PRR29: variants seen among roughly 807,000 people sequenced by gnomAD.
PRR29 encodes the protein proline rich 29.
PRR29 carries 20 observed loss-of-function variants against 25.1 expected under a neutral mutation model. That is an observed-to-expected ratio of 0.80 (90% CI 0.56 to 1.16). The LOEUF (loss-of-function observed/expected upper bound fraction) is 1.16, where lower values mean the gene tolerates loss of function less well. PRR29 is among the 50% of genes most tolerant of loss of function. The pLI, the probability that PRR29 is intolerant of heterozygous loss-of-function variation, is 0.00. For missense variants in PRR29, 238 were observed against 246.6 expected (o/e 0.97, Z 0.23); for synonymous variants, 108 against 102.6 (o/e 1.05, Z -0.32).
In PRR29 at chr17:64,003,935, G is replaced by A; in HGVS notation, c.*2174G>A. On this transcript the variant is annotated 3_prime_UTR_variant, in exon 6 of 6. Coordinates refer to ENST00000412177, the MANE Select transcript of PRR29 (RefSeq NM_001164257.2). The stretch of plus-strand genomic sequence containing the variant: ...TTGCCCACAGCCACCAAAGTGGGTT[G>A]CAGTGTCAGGATGACCTGCCTTGGA... 1 of 1,613,638 alleles carries A rather than the reference G, an allele frequency of 6.2e-7. No individual in the cohort carries two copies. Among genetic ancestry groups the A allele is most frequent in the Non-Finnish European group, 8.5e-7 (1 of 1,179,760 alleles).
At chr17:63,999,888 AAGCAAGTGTG>A (rs1910504043) in intron 3 of PRR29, 1 of 148,808 alleles carries the variant, frequency 6.7e-6, no homozygotes, top group Non-Finnish European at 1.5e-5. Context: ...GTGTGCGTGC[AAGCAAGTGTG>A]TGCAAGTGGG....
chr17:64,001,736 A>G lies in PRR29; in HGVS notation c.545A>G (p.Tyr182Cys), dbSNP rs998989786. 9.8e-6 allele frequency: 15 copies of G among 1,536,944 alleles called. No individual in the cohort carries two copies. In the Admixed American group the frequency reaches 1.4e-4, roughly 14 times the overall value. Residue 182 changes from tyrosine to cysteine, a missense_variant, in exon 6 of 6, where the codon TAC becomes TGC. Tyr to Cys is a radical substitution (Grantham distance 194). Coordinates refer to ENST00000412177, the MANE Select transcript of PRR29 (RefSeq NM_001164257.2). ...GATGAGGTTCTTGTTTCCCCAGACT[A>G]CTATGATGCCGAGAGCCTCCTATGA... ...VGADVPPASD[Y>C]YDAESLL
At chr17:63,999,323 C>T (rs1159551012) in intron 3 of PRR29, 1 of 562,262 alleles carries the variant, frequency 1.8e-6, no homozygotes. Context: ...TAGTGCCTCC[C>T]CCACTGGACT....
At chr17:64,000,917 C>T (rs533162225) in intron 3 of PRR29, 167 bp from the exon 4 acceptor site, 12 of 632,708 alleles carry the variant, frequency 1.9e-5, no homozygotes, top group African/African-American at 1.3e-4. Context: ...CCGCCCGCCT[C>T]GGCCTCCCAC....
Position 64,003,163 on chromosome 17 carries a change from G to A in PRR29, c.*1402G>A, listed in dbSNP as rs1216142328. Reference sequence around the variant, plus strand: ...GCTGGACTTCTGTGTGGCTGTGAGGGCAGATGTCCCCTTGTCAGCAGCCAT... The same window carrying A: ...GCTGGACTTCTGTGTGGCTGTGAGGACAGATGTCCCCTTGTCAGCAGCCAT... On this transcript the variant is annotated 3_prime_UTR_variant, in exon 6 of 6. Coordinates refer to ENST00000412177, the MANE Select transcript of PRR29 (RefSeq NM_001164257.2). The A allele has an allele frequency of 5.6e-6, 3 of 532,412 alleles. No individual in the cohort carries two copies. The highest frequency in any genetic ancestry group is 3.2e-5 in the Admixed American group (1 of 31,532). 33.0% of individuals were successfully genotyped at this position (532,412 alleles called of 1,614,324 possible). A position where few individuals can be genotyped will look rare whatever the true frequency, so the allele number is the denominator to read the frequency against.
chr17:64,000,252 G>A (rs1910547021), intron 3 of PRR29, among the ~76,000 whole-genome samples: 2 of 152,224 alleles, frequency 1.3e-5, no homozygotes, highest in Non-Finnish European at 2.9e-5. Flanking sequence ...TTGAGCTACA[G>A]GAGTAAATGT....
Position 63,998,409 on chromosome 17 carries a change from G to C in PRR29, c.45G>C (p.Gln15His), listed in dbSNP as rs1254463668. ...GAAGCTGGGGTCGCTCCCCACCGCAGAGCGCAGTCCCGACGGTGAGGGCTG... is the reference window on the plus strand; with the variant it reads ...GAAGCTGGGGTCGCTCCCCACCGCACAGCGCAGTCCCGACGGTGAGGGCTG... ...AGGSWGRSPP[Q>H]SAVPTPWVTF... Residue 15 changes from glutamine (Q) to histidine (H), a missense_variant, in exon 1 of 6, where the codon CAG becomes CAC. By Grantham distance (24) the Gln-to-His change is conservative. Transcript: ENST00000412177. The C allele has an allele frequency of 2.7e-6, 4 of 1,507,516 alleles. No homozygotes were observed. The South Asian group carries it at 5.0e-5, about 19-fold the overall frequency. 93.4% of individuals were successfully genotyped at this position (1,507,516 alleles called of 1,614,324 possible).
At position 64,002,204 on chromosome 17, in the gene PRR29, A is replaced by T. The variant is rs1450419405; in HGVS notation, c.*443A>T. The T allele has an allele frequency of 6.4e-6, 4 of 627,560 alleles. No individual in the cohort carries two copies. The Admixed American group carries it at 9.0e-5, about 14-fold the overall frequency. 38.9% of individuals were successfully genotyped at this position (627,560 alleles called of 1,614,324 possible). A position where few individuals can be genotyped will look rare whatever the true frequency, so the allele number is the denominator to read the frequency against. On this transcript the variant is annotated 3_prime_UTR_variant, in exon 6 of 6. Coordinates refer to ENST00000412177, the MANE Select transcript of PRR29 (RefSeq NM_001164257.2). ...TTGAAGGCCCCTTTGAGGTGGCTGG[A>T]GGGGCCCAGAGTGGTCGGGGAGAGA...
At position 64,001,127 on chromosome 17, in the gene PRR29, A is replaced by C; in HGVS notation, c.287A>C (p.Glu96Ala). The part of the protein sequence containing the change: ...VPQEEPEEEE[E>A]EMDVREKGPL... ...CAGGAAGAGCCTGAGGAGGAGGAGG[A>C]GGAGATGGACGTGCGGGAGAAAGGG... The change falls in exon 4 of 6, where the codon GAG becomes GCG. Residue 96 changes from glutamate to alanine, a missense_variant. Coordinates refer to ENST00000412177, the MANE Select transcript of PRR29 (RefSeq NM_001164257.2). 6.5e-7 allele frequency: 1 copy of C among 1,537,458 alleles called. No individual in the cohort carries two copies. Among genetic ancestry groups the C allele is most frequent in the Middle Eastern group, 1.7e-4 (1 of 5,990 alleles).
Position 64,003,314 on chromosome 17 carries a change from C to A in PRR29, c.*1553C>A, listed in dbSNP as rs766867943. ...CCTGTGTGCCGGCCGTCCAGGGTCACCAAGCAGCAGAGCTCTGGGGACCTC... is the reference window on the plus strand; with the variant it reads ...CCTGTGTGCCGGCCGTCCAGGGTCAACAAGCAGCAGAGCTCTGGGGACCTC... On this transcript the variant is annotated 3_prime_UTR_variant, in exon 6 of 6. Transcript: ENST00000412177. 3 of 432,482 alleles carry A rather than the reference C, an allele frequency of 6.9e-6. No individual in the cohort carries two copies. The highest frequency in any genetic ancestry group is 1.3e-5 in the Non-Finnish European group (3 of 237,362). 26.8% of individuals were successfully genotyped at this position (432,482 alleles called of 1,614,324 possible).
Position 63,998,609 on chromosome 17 carries a change from C to T in PRR29, c.61-98C>T, listed in dbSNP as rs1361753742. 6.9e-6 allele frequency: 7 copies of T among 1,019,282 alleles called. 1 individual carries two copies. In the South Asian group the frequency reaches 7.6e-5, roughly 11 times the overall value. 63.1% of individuals were successfully genotyped at this position (1,019,282 alleles called of 1,614,324 possible). A position where few individuals can be genotyped will look rare whatever the true frequency, so the allele number is the denominator to read the frequency against. The stretch of plus-strand genomic sequence containing the variant: ...CGGGGAGGAGAGAACCTGGCCCCTG[C>T]GGGGTTAGGGAGGCCACTGGCCGGG... On this transcript the variant is annotated intron_variant, in intron 1 of 5. Coordinates refer to ENST00000412177, the MANE Select transcript of PRR29 (RefSeq NM_001164257.2).
In PRR29 at chr17:63,999,014, G is replaced by C. The variant is rs975520809; in HGVS notation, c.183G>C (p.Leu61=). ...TGCAGAACGCGCAGATGCACCAGCT[G>C]CTGCTGAGTCGCCTGGTGGCTGGAG... The part of the protein sequence containing the change: ...MMLQNAQMHQ[L]LLSRLVAGAL... Residue 61 remains leucine (L), a synonymous_variant, in exon 3 of 6, where the codon CTG becomes CTC. Coordinates refer to ENST00000412177, the MANE Select transcript of PRR29 (RefSeq NM_001164257.2). 4 of 1,536,158 alleles carry C rather than the reference G, an allele frequency of 2.6e-6. No homozygotes were observed. In the East Asian group the frequency reaches 9.8e-5, roughly 38 times the overall value.
In PRR29 at chr17:64,001,543, G is replaced by C; in HGVS notation, c.541+6G>C. 1 of 1,518,014 alleles carries C rather than the reference G, an allele frequency of 6.6e-7. No homozygotes were observed. Among genetic ancestry groups the C allele is most frequent in the Non-Finnish European group, 8.8e-7 (1 of 1,139,008 alleles). 94.0% of individuals were successfully genotyped at this position (1,518,014 alleles called of 1,614,324 possible). Reference sequence around the variant, plus strand: ...TGATGTACCCCCGGCTTCAGGTAGGGCTGGGGTGGTGGGCAGCGGGGCCCA... The same window carrying C: ...TGATGTACCCCCGGCTTCAGGTAGGCCTGGGGTGGTGGGCAGCGGGGCCCA... On this transcript the variant is annotated splice_donor_region_variant and intron_variant, in intron 5 of 5. Transcript: ENST00000412177.
chr17:63,998,718 C>T lies in PRR29; in HGVS notation c.72C>T (p.Thr24=), dbSNP rs1487493255. The T allele has an allele frequency of 2.0e-6, 3 of 1,527,714 alleles. No homozygotes were observed. Among genetic ancestry groups the T allele is most frequent in the South Asian group, 2.4e-5 (2 of 83,234 alleles). The allele number at this position is 1,527,714 out of a possible 1,614,324, so 94.6% of individuals were successfully genotyped here. The change falls in exon 2 of 6, where the codon ACC becomes ACT. Residue 24 remains threonine (T), a synonymous_variant. Transcript: ENST00000412177. The part of the protein sequence containing the change: ...PQSAVPTPWV[T]FLQPLSWAVP... ...GCGCACACCCCCAGCCCTGGGTCAC[C>T]TTCCTGCAGCCCCTCTCGTGGGCCG...
intron 3 of PRR29, 188 bp downstream of exon 3, chr17:63,999,262 A>T (rs1598003501): frequency 3.4e-6 from 2 of 596,060 alleles, no homozygotes. Context: ...CGGGGAAGAG[A>T]CCCCCCAAAG....
Position 64,002,642 on chromosome 17 carries a change from C to A in PRR29, c.*881C>A. The A allele has an allele frequency of 5.8e-6, 6 of 1,031,960 alleles. No homozygotes were observed. Among genetic ancestry groups the A allele is most frequent in the Non-Finnish European group, 8.5e-6 (6 of 705,930 alleles). 63.9% of individuals were successfully genotyped at this position (1,031,960 alleles called of 1,614,324 possible). Reference sequence around the variant, plus strand: ...GGCTAGAAAAGGCAATGTCCCAAGTCTCTGCTGCCTGTCACAGTCCTTCAG... The same window carrying A: ...GGCTAGAAAAGGCAATGTCCCAAGTATCTGCTGCCTGTCACAGTCCTTCAG... On this transcript the variant is annotated 3_prime_UTR_variant, in exon 6 of 6. Coordinates refer to ENST00000412177, the MANE Select transcript of PRR29 (RefSeq NM_001164257.2).
rs1233331871 is a variant in PRR29 at position 63,999,049 on chromosome 17, C to T, written c.218C>T (p.Pro73Leu). Reference sequence around the variant, plus strand: ...CGCCTGGTGGCTGGAGCGCTGCAGCCCCGGCCTGCCTCGCCCTGCCCTCAG... The same window carrying T: ...CGCCTGGTGGCTGGAGCGCTGCAGCTCCGGCCTGCCTCGCCCTGCCCTCAG... ...LSRLVAGALQPRPASPCPQVY... is the reference protein window; with the variant it reads ...LSRLVAGALQLRPASPCPQVY... Residue 73 changes from proline to leucine, a missense_variant, in exon 3 of 6, where the codon CCC becomes CTC. By Grantham distance (98) the Pro-to-Leu change is moderately conservative. Transcript: ENST00000412177. 6.5e-7 allele frequency: 1 copy of T among 1,535,888 alleles called. No homozygotes were observed. The highest frequency in any genetic ancestry group is 1.2e-5 in the South Asian group (1 of 84,042).
At chr17:63,998,929 C>T in intron 2 of PRR29, 39 bp from the exon 3 acceptor site, 17 of 1,523,388 alleles carry the variant, frequency 1.1e-5, no homozygotes, top group Non-Finnish European at 1.5e-5. Flanking sequence ...GAGGGGGACT[C>T]GGAGGCCCGG....
In PRR29 at chr17:64,001,539, TA is replaced by T; in HGVS notation, c.541+3del. The T allele has an allele frequency of 6.6e-7, 1 of 1,517,930 alleles. No homozygotes were observed. Among genetic ancestry groups the T allele is most frequent in the Non-Finnish European group, 8.8e-7 (1 of 1,138,868 alleles). 94.0% of individuals were successfully genotyped at this position (1,517,930 alleles called of 1,614,324 possible). ...GTGCTGATGTACCCCCGGCTTCAGG[TA>T]GGGCTGGGGTGGTGGGCAGCGGGGC... is the stretch of plus-strand genomic sequence containing the variant. On this transcript the variant is annotated splice_donor_region_variant and intron_variant, in intron 5 of 5. Coordinates refer to ENST00000412177, the MANE Select transcript of PRR29 (RefSeq NM_001164257.2).
Sources: allele counts gnomAD v4.1 joint callset (sites outside exome capture counted in the v4.1 genomes callset), GRCh38; gene constraint gnomAD v4.1.1; transcripts MANE v1.5; gene names NCBI Gene and HGNC (gene_info 2026-07-23, HGNC 2026-07-21).